The following CPNE4 variants were observed in gnomAD, a reference collection of about 807,000 sequenced individuals.
CPNE4 encodes copine 4.
CPNE4 carries 25 observed loss-of-function variants against 67.9 expected under a neutral mutation model. The observed-to-expected ratio is 0.37, with a 90% CI of 0.27 to 0.51. The LOEUF (loss-of-function observed/expected upper bound fraction) is 0.51. CPNE4 is among the 20% of genes least tolerant of loss of function. CPNE4 has a pLI of 0.93. For missense variants in CPNE4, 464 were observed against 690.8 expected (o/e 0.67, Z 3.68); for synonymous variants, 242 against 244.9 (o/e 0.99, Z 0.11).
chr3:131,791,701 A>G (rs534710804), intron 2 of CPNE4, among the ~76,000 whole-genome samples: 4 of 152,274 alleles, frequency 2.6e-5, no homozygotes, highest in African/African-American at 9.6e-5. Flanking sequence ...CTCTTCAGAA[A>G]ATCATCACTT....
At chr3:131,888,675 T>C (rs979009592) in intron 2 of CPNE4, among the ~76,000 whole-genome samples, 1 of 152,174 alleles carries the variant, frequency 6.6e-6, no homozygotes, top group Non-Finnish European at 1.5e-5. Flanking sequence ...TCAGTATGGC[T>C]TCTCTGAGAT....
intron 5 of CPNE4, among the ~76,000 whole-genome samples, chr3:131,695,739 G>A (rs1248099726): frequency 6.6e-6 from 1 of 152,180 alleles, no homozygotes; most frequent in Non-Finnish European, 1.5e-5. Context: ...GAATGGAGCA[G>A]TCTGTGATGG....
intron 2 of CPNE4, among the ~76,000 whole-genome samples, chr3:131,876,653 AAAAG>A (rs1553794944): frequency 1.3e-4 from 18 of 140,768 alleles, no homozygotes; most frequent in Admixed American, 7.0e-4. Context: ...AAAAAAAAAA[AAAAG>A]AAAGAAAGAA....
intron 1 of CPNE4, among the ~76,000 whole-genome samples, chr3:132,023,589 G>C (rs577054306): frequency 1.4e-4 from 19 of 138,564 alleles, no homozygotes; most frequent in Non-Finnish European, 2.6e-4. Flanking sequence ...CCGGGTTCAC[G>C]CCATTCTCCT....
intron 8 of CPNE4, 55 bp from the exon 9 acceptor site, chr3:131,581,720 A>G: frequency 7.8e-7 from 1 of 1,278,268 alleles, no homozygotes; most frequent in East Asian, 2.3e-5. Flanking sequence ...GAGTCTTTCA[A>G]TAAGGCCAAG....
In CPNE4 at chr3:131,652,228, G is replaced by A. The variant is rs144127750; in HGVS notation, c.681+17447C>T. Among the ~76,000 whole-genome samples the A allele has an allele frequency of 1.2e-4, 18 of 152,296 alleles. No individual in the cohort carries two copies. The East Asian group carries it at 3.1e-3, about 26-fold the overall frequency. On this transcript the variant is annotated intron_variant, in intron 7 of 15. Coordinates refer to ENST00000429747, the MANE Select transcript of CPNE4 (RefSeq NM_130808.3). ...GTATATGATAAACTCATTTTAGAAA[G>A]CTAATAAAAACGTAGAAGGACAGCA...
chr3:131,853,871 A>G (rs2086333333), intron 2 of CPNE4, among the ~76,000 whole-genome samples: 1 of 151,928 alleles, frequency 6.6e-6, no homozygotes, highest in Admixed American at 6.6e-5. Flanking sequence ...GGCTAAAATG[A>G]AAAACACTGA....
intron 1 of CPNE4, among the ~76,000 whole-genome samples, chr3:131,983,822 G>A (rs907855635): frequency 6.6e-6 from 1 of 152,118 alleles, no homozygotes; most frequent in African/African-American, 2.4e-5. Flanking sequence ...TATATCCATC[G>A]AAGACAACAG....
intron 1 of CPNE4, among the ~76,000 whole-genome samples, chr3:131,972,055 T>C (rs888982550): frequency 2.6e-5 from 4 of 152,122 alleles, no homozygotes; most frequent in Non-Finnish European, 5.9e-5. Flanking sequence ...GAAGAAAATG[T>C]TCATGGCAAC....
At chr3:131,841,941 G>GGT (rs779074979) in intron 2 of CPNE4, among the ~76,000 whole-genome samples, 66 of 152,200 alleles carry the variant, frequency 4.3e-4, no homozygotes, top group South Asian at 4.1e-4. Flanking sequence ...CTGGAGAGAG[G>GGT]GTGTGTGCGT....
chr3:131,825,982 G>A (rs1036649889), intron 2 of CPNE4, among the ~76,000 whole-genome samples: 2 of 152,118 alleles, frequency 1.3e-5, no homozygotes, highest in African/African-American at 2.4e-5. Flanking sequence ...CTTATATCAG[G>A]TCACTCAGAA....
chr3:131,645,752 GGGA>G (rs2079648529), intron 7 of CPNE4, among the ~76,000 whole-genome samples: 1 of 152,118 alleles, frequency 6.6e-6, no homozygotes, highest in African/African-American at 2.4e-5. Flanking sequence ...GTCCCTTAAA[GGGA>G]TCCAAAGTCC....
chr3:131,762,014 G>C (rs1434733202), intron 2 of CPNE4, among the ~76,000 whole-genome samples: 2 of 151,930 alleles, frequency 1.3e-5, no homozygotes, highest in Non-Finnish European at 2.9e-5. Context: ...TCCCTGCTTG[G>C]GAAATATAAA....
intron 9 of CPNE4, among the ~76,000 whole-genome samples, chr3:131,580,038 A>G (rs1217426100): frequency 1.3e-5 from 2 of 152,184 alleles, no homozygotes; most frequent in African/African-American, 4.8e-5. Context: ...GGAGGAGTCA[A>G]TTAATGAGAA....
At chr3:131,845,359 GT>G (rs1256794912) in intron 2 of CPNE4, among the ~76,000 whole-genome samples, 2 of 152,156 alleles carry the variant, frequency 1.3e-5, no homozygotes, top group South Asian at 4.1e-4. Context: ...AAAGATAAAT[GT>G]TTTACCTGAG....
At chr3:131,855,056 A>T (rs1267673686) in intron 2 of CPNE4, among the ~76,000 whole-genome samples, 2 of 152,022 alleles carry the variant, frequency 1.3e-5, no homozygotes, top group African/African-American at 4.8e-5. Context: ...GAAAAGCCAG[A>T]TTCAAGAGAA....
At chr3:131,589,712 T>A (rs1056264037) in intron 7 of CPNE4, among the ~76,000 whole-genome samples, 2 of 152,212 alleles carry the variant, frequency 1.3e-5, no homozygotes, top group Non-Finnish European at 2.9e-5. Context: ...TTTTAAGACA[T>A]CAAGAAAAAC....
At chr3:131,662,285 G>A (rs1241601279) in intron 7 of CPNE4, among the ~76,000 whole-genome samples, 1 of 152,180 alleles carries the variant, frequency 6.6e-6, no homozygotes, top group East Asian at 1.9e-4. Flanking sequence ...AGCAAAGACA[G>A]TGAATTTGTG....
intron 7 of CPNE4, among the ~76,000 whole-genome samples, chr3:131,644,506 AC>A (rs963686115): frequency 1.3e-5 from 2 of 152,146 alleles, no homozygotes; most frequent in African/African-American, 4.8e-5. Flanking sequence ...TAGGGGGATT[AC>A]CTTTTGAAAA....
Sources: gnomAD v4.1 joint callset for allele counts (sites outside exome capture counted in the v4.1 genomes callset) on GRCh38, gnomAD v4.1.1 for gene constraint, MANE v1.5 for transcripts, NCBI Gene and HGNC (gene_info 2026-07-23, HGNC 2026-07-21) for gene names.